The following GRP variants were observed in gnomAD, a reference collection of about 807,000 sequenced individuals.
GRP encodes the protein gastrin-releasing peptide.
GRP carries 11 observed loss-of-function variants against 12.7 expected under a neutral mutation model. That is an observed-to-expected ratio of 0.87 (90% confidence interval 0.55 to 1.44). The LOEUF is 1.44. Among genes scored for constraint, GRP ranks in the 40% most tolerant of loss-of-function variants. The pLI is 0.00. For synonymous variants in GRP, 84 were observed against 77.7 expected, an observed-to-expected ratio of 1.08 and a Z score of -0.43; for missense variants, 212 against 185.4, an observed-to-expected ratio of 1.14 and a Z score of -0.83.
At chr18:59,227,863 C>T (rs1420708392) in intron 2 of GRP, among the ~76,000 whole-genome samples, 1 of 152,142 alleles carries the variant, frequency 6.6e-6, no homozygotes, top group Non-Finnish European at 1.5e-5. Context: ...AAGAATAGCT[C>T]CACAAAGGTG....
chr18:59,220,399 C>T lies in GRP; in HGVS notation c.134C>T (p.Ala45Val), dbSNP rs1205343320. The T allele has an allele frequency of 2.9e-6, 4 of 1,381,392 alleles. No homozygotes were observed. In the Admixed American group the frequency reaches 9.5e-5, roughly 33 times the overall value. The allele number at this position is 1,381,392 out of a possible 1,614,324, so 85.6% of individuals were successfully genotyped here. The change falls in exon 1 of 3, where the codon GCG (alanine) becomes GTG (valine). Residue 45 changes from alanine (A) to valine (V), a missense_variant. Ala to Val is a moderately conservative substitution (Grantham distance 64, BLOSUM62 0). Transcript: ENST00000256857. ...ATGTACCCGCGCGGCAACCACTGGG[C>T]GGTGGGTGAGTGTCCTGGCCGCGGG... ...TKMYPRGNHW[A>V]VGHLMGKKST...
In GRP at chr18:59,220,372, A is replaced by G; in HGVS notation, c.107A>G (p.Lys36Arg). 6.3e-6 allele frequency: 9 copies of G among 1,429,590 alleles called. No individual in the cohort carries two copies. Among genetic ancestry groups the G allele is most frequent in the Non-Finnish European group, 8.2e-6 (9 of 1,091,800 alleles). 88.6% of individuals were successfully genotyped at this position (1,429,590 alleles called of 1,614,324 possible). A position where few individuals can be genotyped will look rare whatever the true frequency, so the allele number is the denominator to read the frequency against. The change falls in exon 1 of 3, where the codon AAG (lysine) becomes AGG (arginine). Residue 36 changes from lysine to arginine, a missense_variant. Transcript: ENST00000256857. ...LPAGGGTVLTKMYPRGNHWAV... is the reference protein window; with the variant it reads ...LPAGGGTVLTRMYPRGNHWAV... ...GCGGGCGGAGGGACCGTGCTGACCAAGATGTACCCGCGCGGCAACCACTGG... is the reference window on the plus strand; with the variant it reads ...GCGGGCGGAGGGACCGTGCTGACCAGGATGTACCCGCGCGGCAACCACTGG...
In GRP at chr18:59,225,566, A is replaced by ATCC. The variant is rs1395756329; in HGVS notation, c.214_215insTCC (p.Leu71_Arg72insIle). ...GAGAGGGAGCCTGAAGCAGCAGCTGAGAGAGTACATCAGGTGGGAAGAAGC... is the reference window on the plus strand; with the variant it reads ...GAGAGGGAGCCTGAAGCAGCAGCTGATCCGAGAGTACATCAGGTGGGAAGAAGC... On this transcript the variant is annotated inframe_insertion, in exon 2 of 3. Coordinates refer to ENST00000256857, the MANE Select transcript of GRP (RefSeq NM_002091.5). 3.1e-6 allele frequency: 5 copies of ATCC among 1,613,922 alleles called. No individual in the cohort carries two copies. Among genetic ancestry groups the ATCC allele is most frequent in the South Asian group, 1.1e-5 (1 of 91,076 alleles).
chr18:59,229,499 G>T (rs1040445236), intron 2 of GRP, among the ~76,000 whole-genome samples: 2 of 152,138 alleles, frequency 1.3e-5, no homozygotes, highest in African/African-American at 4.8e-5. Flanking sequence ...AAGCTAATTG[G>T]CATGCGTGGG....
chr18:59,227,021 CT>C (rs1555663425), intron 2 of GRP, among the ~76,000 whole-genome samples: 1 of 135,032 alleles, frequency 7.4e-6, no homozygotes. Flanking sequence ...TTCTTTCTTT[CT>C]TTCTTTCTTT....
intron 1 of GRP, among the ~76,000 whole-genome samples, chr18:59,224,275 A>G (rs563431207): frequency 6.6e-6 from 1 of 152,342 alleles, no homozygotes; most frequent in Admixed American, 6.5e-5. Context: ...ATATGGATCA[A>G]ATGAAATCCA....
At chr18:59,227,020 T>TCTTTCTTTCTTTCTTTCTTC (rs1555663415) in intron 2 of GRP, among the ~76,000 whole-genome samples, 148 of 142,026 alleles carry the variant, frequency 1.0e-3, no homozygotes, top group Middle Eastern at 7.0e-3. Flanking sequence ...TTTCTTTCTT[T>TCTTTCTTTCTTTCTTTCTTC]CTTTCTTTCT....
chr18:59,227,033 CTTT>C (rs1568084988), intron 2 of GRP, among the ~76,000 whole-genome samples: 2 of 132,274 alleles, frequency 1.5e-5, no homozygotes, highest in African/African-American at 6.0e-5. Context: ...TTCTTTCTTT[CTTT>C]CTTTCTTTCT....
Position 59,220,263 on chromosome 18 carries a change from A to G in GRP, c.-3A>G. 1 of 1,498,186 alleles carries G rather than the reference A, an allele frequency of 6.7e-7. No homozygotes were observed. The highest frequency in any genetic ancestry group is 8.9e-7 in the Non-Finnish European group (1 of 1,128,308). The allele number at this position is 1,498,186 out of a possible 1,614,324, so 92.8% of individuals were successfully genotyped here. A position where few individuals can be genotyped will look rare whatever the true frequency, so the allele number is the denominator to read the frequency against. ...CGCGCTCCAAGGGCTTCCCGTCGGG[A>G]CCATGCGCGGCCGTGAGCTCCCGCT... On this transcript the variant is annotated 5_prime_UTR_variant, in exon 1 of 3. Transcript: ENST00000256857.
intron 2 of GRP, among the ~76,000 whole-genome samples, chr18:59,227,749 C>CA (rs1219640437): frequency 1.3e-5 from 2 of 152,212 alleles, no homozygotes; most frequent in Non-Finnish European, 2.9e-5. Context: ...CCTGGCTCTG[C>CA]ATATCTTTGG....
At chr18:59,225,789 A>G (rs2069911457) in intron 2 of GRP, 55 bp downstream of exon 2, 1 of 1,550,276 alleles carries the variant, frequency 6.5e-7, no homozygotes, top group South Asian at 1.2e-5. Context: ...AGAGGTGGAA[A>G]GAGGGCAAGT....
Position 59,220,295 on chromosome 18 carries a change from G to A in GRP, c.30G>A (p.Leu10=), listed in dbSNP as rs562856652. 6.6e-7 allele frequency: 1 copy of A among 1,505,320 alleles called. No individual in the cohort carries two copies. Among genetic ancestry groups the A allele is most frequent in the South Asian group, 1.2e-5 (1 of 81,572 alleles). 93.2% of individuals were successfully genotyped at this position (1,505,320 alleles called of 1,614,324 possible). MRGRELPLV[L]LALVLCLAPR... ...GCGGCCGTGAGCTCCCGCTGGTCCT[G>A]CTGGCGCTGGTCCTCTGCCTGGCGC... Residue 10 remains leucine (L), a synonymous_variant, in exon 1 of 3, where the codon CTG becomes CTA. Transcript: ENST00000256857.
chr18:59,221,595 CTGTGTGTGTG>C (rs143541111), intron 1 of GRP, among the ~76,000 whole-genome samples: 1 of 149,760 alleles, frequency 6.7e-6, no homozygotes, highest in African/African-American at 2.5e-5. Flanking sequence ...GTGTGTGTCT[CTGTGTGTGTG>C]TGTGTGTGTG....
chr18:59,219,520 A>G (rs2069793013), upstream of GRP, among the ~76,000 whole-genome samples: 1 of 30,466 alleles, frequency 3.3e-5, no homozygotes, highest in Admixed American at 3.3e-4. Flanking sequence ...AAGGGAGGGG[A>G]GAGGAGGGGA....
chr18:59,225,538 T>C lies in GRP; in HGVS notation c.186T>C (p.Ser62=). Residue 62 remains serine, a synonymous_variant, in exon 2 of 3, where the codon TCT becomes TCC. Coordinates refer to ENST00000256857, the MANE Select transcript of GRP (RefSeq NM_002091.5). ...KKSTGESSSV[S]ERGSLKQQLR... ...GCACAGGGGAGTCTTCTTCTGTTTCTGAGAGAGGGAGCCTGAAGCAGCAGC... is the reference window on the plus strand; with the variant it reads ...GCACAGGGGAGTCTTCTTCTGTTTCCGAGAGAGGGAGCCTGAAGCAGCAGC... 6.2e-7 allele frequency: 1 copy of C among 1,613,928 alleles called. No individual in the cohort carries two copies. Among genetic ancestry groups the C allele is most frequent in the Non-Finnish European group, 8.5e-7 (1 of 1,179,834 alleles).
At chr18:59,228,381 T>C (rs1308907701) in intron 2 of GRP, among the ~76,000 whole-genome samples, 1 of 152,206 alleles carries the variant, frequency 6.6e-6, no homozygotes, top group African/African-American at 2.4e-5. Flanking sequence ...TTGCCAGAAT[T>C]AGCAGCAGGA....
At chr18:59,221,595 CTGTG>C (rs143541111) in intron 1 of GRP, among the ~76,000 whole-genome samples, 41 of 149,862 alleles carry the variant, frequency 2.7e-4, no homozygotes, top group South Asian at 1.7e-3. Flanking sequence ...GTGTGTGTCT[CTGTG>C]TGTGTGTGTG....
At chr18:59,225,448 T>C (rs2144104754) in intron 1 of GRP, 44 bp from the exon 2 acceptor site, 1 of 1,568,716 alleles carries the variant, frequency 6.4e-7, no homozygotes, top group Non-Finnish European at 8.6e-7. Context: ...TTCCCTTTGG[T>C]TAAATTTGTG....
At position 59,230,564 on chromosome 18, in the gene GRP, G is replaced by T; in HGVS notation, c.*96G>T. On this transcript the variant is annotated 3_prime_UTR_variant, in exon 3 of 3. Coordinates refer to ENST00000256857, the MANE Select transcript of GRP (RefSeq NM_002091.5). ...CGGATCATCAACAAGATTTCCTTGT[G>T]CAAAATATTTGACTATTCTGTATCT... is the stretch of plus-strand genomic sequence containing the variant. The T allele has an allele frequency of 2.6e-6, 2 of 766,286 alleles. No homozygotes were observed. The highest frequency in any genetic ancestry group is 4.7e-6 in the Non-Finnish European group (2 of 423,660). 47.5% of individuals were successfully genotyped at this position (766,286 alleles called of 1,614,324 possible).
Sources: allele counts gnomAD v4.1 joint callset (sites outside exome capture counted in the v4.1 genomes callset), GRCh38; gene constraint gnomAD v4.1.1; transcripts MANE v1.5; gene names NCBI Gene and HGNC (gene_info 2026-07-23, HGNC 2026-07-21).